The following C2CD4B variants were observed in gnomAD, a reference collection of about 807,000 sequenced individuals.
The protein encoded by C2CD4B is C2 calcium dependent domain containing 4B, also known as C2 calcium-dependent domain-containing protein 4B.
For missense variants in C2CD4B, 644 were observed against 577.7 expected, an observed-to-expected ratio of 1.11 and a Z score of -1.18; for synonymous variants, 347 against 284.9, an observed-to-expected ratio of 1.22 and a Z score of -2.20.
chr15:62,163,719 C>G lies in C2CD4B; in HGVS notation c.*171G>C, dbSNP rs914607097. ...GGGTCCTGTGAACAGAACAGGGAGT[C>G]ATTATCTTTTTCTTCTTTACCAATA... On this transcript the variant is annotated 3_prime_UTR_variant, in exon 2 of 2. Transcript: ENST00000380392. The G allele has an allele frequency of 2.0e-6, 2 of 987,132 alleles. No homozygotes were observed. Among genetic ancestry groups the G allele is most frequent in the Admixed American group, 7.6e-5 (2 of 26,164 alleles). The allele number at this position is 987,132 out of a possible 1,614,324, so 61.1% of individuals were successfully genotyped here.
chr15:62,164,576 C>T lies in C2CD4B; in HGVS notation c.409G>A (p.Asp137Asn). 1 of 1,195,012 alleles carries T rather than the reference C, an allele frequency of 8.4e-7. No homozygotes were observed. The highest frequency in any genetic ancestry group is 1.0e-6 in the Non-Finnish European group (1 of 967,576). 74.0% of individuals were successfully genotyped at this position (1,195,012 alleles called of 1,614,324 possible). ...CCGCACAGGGTCCCCAGGGGGGCGT[C>T]CGGGCCTCCGCCGCCGCCGCAGCTG... Reference protein sequence around the residue: ...AHSCGGGGGPDAPLGTLCGPR... With the variant: ...AHSCGGGGGPNAPLGTLCGPR... The change falls in exon 2 of 2, where the codon GAC becomes AAC. Residue 137 changes from aspartate to asparagine, a missense_variant. By Grantham distance (23) the Asp-to-Asn change is conservative (BLOSUM62 1). Coordinates refer to ENST00000380392, the MANE Select transcript of C2CD4B (RefSeq NM_001007595.3).
Position 62,164,316 on chromosome 15 carries a change from G to A in C2CD4B, c.669C>T (p.Ser223=). ...AGSESPARAP[S]SSPLSSRAPL... is the part of the protein sequence containing the mutation. ...GGGCCCTGGATGACAGCGGGCTCGA[G>A]GAGGGGGCCCGGGCCGGGGACTCGG... Residue 223 remains serine (S), a synonymous_variant, in exon 2 of 2, where the codon TCC becomes TCT. Transcript: ENST00000380392. 2.1e-6 allele frequency: 3 copies of A among 1,406,940 alleles called. No homozygotes were observed. Among genetic ancestry groups the A allele is most frequent in the Admixed American group, 3.3e-5 (1 of 30,328 alleles). 87.2% of individuals were successfully genotyped at this position (1,406,940 alleles called of 1,614,324 possible). A position where few individuals can be genotyped will look rare whatever the true frequency, so the allele number is the denominator to read the frequency against.
In C2CD4B at chr15:62,164,146, G is replaced by C. The variant is rs765357768; in HGVS notation, c.839C>G (p.Pro280Arg). ...LRAESLFGGA[P>R]GPRAVRCRLS... is the part of the protein sequence containing the mutation. ...GCGGCAGCGGACGGCGCGGGGCCCG[G>C]GGGCGCCTCCGAACAGGCTCTCCGC... is the stretch of plus-strand genomic sequence containing the variant. Residue 280 changes from proline (P) to arginine (R), a missense_variant, in exon 2 of 2, where the codon CCC (proline) becomes CGC (arginine). Transcript: ENST00000380392. 2 of 1,457,318 alleles carry C rather than the reference G, an allele frequency of 1.4e-6. No individual in the cohort carries two copies. Among genetic ancestry groups the C allele is most frequent in the Admixed American group, 2.7e-5 (1 of 37,184 alleles). The allele number at this position is 1,457,318 out of a possible 1,614,324, so 90.3% of individuals were successfully genotyped here.
Position 62,164,510 on chromosome 15 carries a change from C to A in C2CD4B, c.475G>T (p.Gly159Cys). ...AGCGCGTCCTGGGGCAGGCGGGGAC[C>A]GCCGGGGGCCGCGGGGGTGGCCGGG... ...PGPATPAAPG[G>C]PRLPQDALAA... Residue 159 changes from glycine (G) to cysteine (C), a missense_variant, in exon 2 of 2, where the codon GGT becomes TGT. By Grantham distance (159) the Gly-to-Cys change is radical (BLOSUM62 -3). Transcript: ENST00000380392. 1.7e-6 allele frequency: 2 copies of A among 1,181,484 alleles called. No homozygotes were observed. Among genetic ancestry groups the A allele is most frequent in the East Asian group, 3.8e-5 (1 of 26,616 alleles). 73.2% of individuals were successfully genotyped at this position (1,181,484 alleles called of 1,614,324 possible). A position where few individuals can be genotyped will look rare whatever the true frequency, so the allele number is the denominator to read the frequency against.
In C2CD4B at chr15:62,164,618, G is replaced by A. The variant is rs753854527; in HGVS notation, c.367C>T (p.Pro123Ser). 7.0e-6 allele frequency: 9 copies of A among 1,280,466 alleles called. No individual in the cohort carries two copies. The South Asian group carries it at 1.9e-4, about 26-fold the overall frequency. 79.3% of individuals were successfully genotyped at this position (1,280,466 alleles called of 1,614,324 possible). A position where few individuals can be genotyped will look rare whatever the true frequency, so the allele number is the denominator to read the frequency against. Reference protein sequence around the residue: ...ESLLLGGPPAPRPRAHSCGGG... With the variant: ...ESLLLGGPPASRPRAHSCGGG... ...CCGCAGCTGTGGGCCCGGGGCCGGG[G>A]CGCGGGCGGGCCCCCGAGCAGGAGC... The change falls in exon 2 of 2, where the codon CCC becomes TCC. Residue 123 changes from proline (P) to serine (S), a missense_variant. By Grantham distance (74) the Pro-to-Ser change is moderately conservative. Coordinates refer to ENST00000380392, the MANE Select transcript of C2CD4B (RefSeq NM_001007595.3).
rs1258776561 is a variant in C2CD4B, at chr15:62,165,021, G to A, written c.-37C>T. On this transcript the variant is annotated 5_prime_UTR_variant, in exon 2 of 2. Transcript: ENST00000380392. ...GGGGCTAGGAGTGGCGGGAAGAGGTGCGCCTGCGGGGGAGAGAAGCTGCTG... is the reference window on the plus strand; with the variant it reads ...GGGGCTAGGAGTGGCGGGAAGAGGTACGCCTGCGGGGGAGAGAAGCTGCTG... 4.1e-6 allele frequency: 6 copies of A among 1,472,262 alleles called. No individual in the cohort carries two copies. In the South Asian group the frequency reaches 6.6e-5, roughly 16 times the overall value. 91.2% of individuals were successfully genotyped at this position (1,472,262 alleles called of 1,614,324 possible).
Position 62,164,121 on chromosome 15 carries a change from G to A in C2CD4B, c.864C>T (p.Arg288=). Residue 288 remains arginine (R), a synonymous_variant, in exon 2 of 2, where the codon CGC becomes CGT. Coordinates refer to ENST00000380392, the MANE Select transcript of C2CD4B (RefSeq NM_001007595.3). ...GAPGPRAVRC[R]LSLVLRPPGT... ...CCGGCGGCCGCAGGACGAGGCTGAG[G>A]CGGCAGCGGACGGCGCGGGGCCCGG... 6.8e-7 allele frequency: 1 copy of A among 1,481,076 alleles called. No individual in the cohort carries two copies. The highest frequency in any genetic ancestry group is 1.3e-5 in the South Asian group (1 of 76,204). 91.7% of individuals were successfully genotyped at this position (1,481,076 alleles called of 1,614,324 possible).
In C2CD4B at chr15:62,164,875, G is replaced by A. The variant is rs1173331615; in HGVS notation, c.110C>T (p.Pro37Leu). The change falls in exon 2 of 2, where the codon CCG becomes CTG. Residue 37 changes from proline (P) to leucine (L), a missense_variant. Pro to Leu is a moderately conservative substitution (Grantham distance 98). Coordinates refer to ENST00000380392, the MANE Select transcript of C2CD4B (RefSeq NM_001007595.3). The part of the protein sequence containing the change: ...PNRIPEFCIP[P>L]RLPAPCTLES... ...GAGCGTGCAAGGGGCCGGCAGCCGC[G>A]GCGGGATGCAGAATTCGGGGATGCG... The A allele has an allele frequency of 4.0e-6, 6 of 1,513,660 alleles. No individual in the cohort carries two copies. Among genetic ancestry groups the A allele is most frequent in the South Asian group, 1.2e-5 (1 of 81,252 alleles). The allele number at this position is 1,513,660 out of a possible 1,614,324, so 93.8% of individuals were successfully genotyped here.
chr15:62,163,939 C>G lies in C2CD4B; in HGVS notation c.1046G>C (p.Arg349Pro). 1 of 1,566,230 alleles carries G rather than the reference C, an allele frequency of 6.4e-7. No homozygotes were observed. Among genetic ancestry groups the G allele is most frequent in the Middle Eastern group, 1.7e-4 (1 of 5,796 alleles). ...GGACAGCTCACCCTGGCCCAGCAGGCGGCCCCGATCCCGGCCGCGACCCTC... is the reference window on the plus strand; with the variant it reads ...GGACAGCTCACCCTGGCCCAGCAGGGGGCCCCGATCCCGGCCGCGACCCTC... ...RDEGRGRDRG[R>P]LLGQGELSLG... Residue 349 changes from arginine to proline, a missense_variant, in exon 2 of 2, where the codon CGC becomes CCC. Transcript: ENST00000380392.
Position 62,164,923 on chromosome 15 carries a change from A to T in C2CD4B, c.62T>A (p.Phe21Tyr), listed in dbSNP as rs891438048. The T allele has an allele frequency of 6.5e-7, 1 of 1,537,850 alleles. No individual in the cohort carries two copies. The highest frequency in any genetic ancestry group is 1.4e-5 in the African/African-American group (1 of 71,512). ...AAGSSAPKPA[F>Y]AKVLTPNRIP... ...GCGATTCGGCGTGAGCACTTTGGCG[A>T]AGGCGGGCTTCGGCGCGGAGCTGCC... is the stretch of plus-strand genomic sequence containing the variant. Residue 21 changes from phenylalanine to tyrosine, a missense_variant, in exon 2 of 2, where the codon TTC (phenylalanine) becomes TAC (tyrosine). Physicochemically the swap from Phe to Tyr is conservative, Grantham distance 22. Coordinates refer to ENST00000380392, the MANE Select transcript of C2CD4B (RefSeq NM_001007595.3).
At position 62,164,781 on chromosome 15, in the gene C2CD4B, C is replaced by G. The variant is rs1314161857; in HGVS notation, c.204G>C (p.Ala68=). Residue 68 remains alanine (A), a synonymous_variant, in exon 2 of 2, where the codon GCG becomes GCC. Transcript: ENST00000380392. ...CAAESDLWPR[A]ADEDAGRTDW... ...CCGTGCGGCCGGCGTCCTCGTCTGCCGCGCGGGGCCACAGGTCGCTTTCAG... is the reference window on the plus strand; with the variant it reads ...CCGTGCGGCCGGCGTCCTCGTCTGCGGCGCGGGGCCACAGGTCGCTTTCAG... The G allele has an allele frequency of 1.4e-6, 2 of 1,478,790 alleles. No homozygotes were observed. Among genetic ancestry groups the G allele is most frequent in the Non-Finnish European group, 1.8e-6 (2 of 1,125,436 alleles). The allele number at this position is 1,478,790 out of a possible 1,614,324, so 91.6% of individuals were successfully genotyped here.
rs1457595590 is a variant in C2CD4B at position 62,164,928 on chromosome 15, G to A, written c.57C>T (p.Pro19=). The A allele has an allele frequency of 6.5e-7, 1 of 1,536,550 alleles. No homozygotes were observed. The highest frequency in any genetic ancestry group is 1.2e-5 in the South Asian group (1 of 83,864). The change falls in exon 2 of 2, where the codon CCC becomes CCT. Residue 19 remains proline, a synonymous_variant. Transcript: ENST00000380392. ...TCGGCGTGAGCACTTTGGCGAAGGC[G>A]GGCTTCGGCGCGGAGCTGCCTGCGG... is the stretch of plus-strand genomic sequence containing the variant. ...SSAAGSSAPK[P]AFAKVLTPNR...
In C2CD4B at chr15:62,163,703, G is replaced by A. The variant is rs546205648; in HGVS notation, c.*187C>T. 7.1e-6 allele frequency: 6 copies of A among 841,874 alleles called. No homozygotes were observed. In the East Asian group the frequency reaches 2.0e-4, roughly 28 times the overall value. The allele number at this position is 841,874 out of a possible 1,614,324, so 52.2% of individuals were successfully genotyped here. ...CTGGAAAGAGATATGGGGGTCCTGT[G>A]AACAGAACAGGGAGTCATTATCTTT... is the stretch of plus-strand genomic sequence containing the variant. On this transcript the variant is annotated 3_prime_UTR_variant, in exon 2 of 2. Transcript: ENST00000380392.
rs2049576967 is a variant in C2CD4B at position 62,163,861 on chromosome 15, G to C, written c.*29C>G. ...GGCTGTCAGTGTCCGGAGTCTCCAG[G>C]GCAGAGCGCCCCGGGGAGGGCTGGG... On this transcript the variant is annotated 3_prime_UTR_variant, in exon 2 of 2. Transcript: ENST00000380392. 1 of 1,458,678 alleles carries C rather than the reference G, an allele frequency of 6.9e-7. No individual in the cohort carries two copies. The highest frequency in any genetic ancestry group is 2.5e-5 in the Admixed American group (1 of 39,752). The allele number at this position is 1,458,678 out of a possible 1,614,324, so 90.4% of individuals were successfully genotyped here. A position where few individuals can be genotyped will look rare whatever the true frequency, so the allele number is the denominator to read the frequency against.
In C2CD4B at chr15:62,164,206, G is replaced by A. The variant is rs1289990048; in HGVS notation, c.779C>T (p.Pro260Leu). ...CCGGAGGCGGAGACGCCGGGTTCCCGGACAGTACTCAGCAGCCAGGCGCAG... is the reference window on the plus strand; with the variant it reads ...CCGGAGGCGGAGACGCCGGGTTCCCAGACAGTACTCAGCAGCCAGGCGCAG... The part of the protein sequence containing the change: ...DALRLAAEYC[P>L]GTRRLRLRLL... Residue 260 changes from proline (P) to leucine (L), a missense_variant, in exon 2 of 2, where the codon CCG (proline) becomes CTG (leucine). Coordinates refer to ENST00000380392, the MANE Select transcript of C2CD4B (RefSeq NM_001007595.3). 5 of 1,481,152 alleles carry A rather than the reference G, an allele frequency of 3.4e-6. No individual in the cohort carries two copies. The highest frequency in any genetic ancestry group is 1.5e-5 in the African/African-American group (1 of 68,224). The allele number at this position is 1,481,152 out of a possible 1,614,324, so 91.8% of individuals were successfully genotyped here.
Position 62,164,026 on chromosome 15 carries a change from C to A in C2CD4B, c.959G>T (p.Cys320Phe). The change falls in exon 2 of 2, where the codon TGC becomes TTC. Residue 320 changes from cysteine to phenylalanine, a missense_variant. Physicochemically the swap from Cys to Phe is radical, Grantham distance 205 (BLOSUM62 -2). Transcript: ENST00000380392. ...SRKASFDQDF[C>F]FDGLSEDEVR... ...CTCGTCTTCCGAGAGGCCGTCGAAGCAAAAGTCCTGGTCAAAGGAGGCCTT... is the reference window on the plus strand; with the variant it reads ...CTCGTCTTCCGAGAGGCCGTCGAAGAAAAAGTCCTGGTCAAAGGAGGCCTT... 1.2e-6 allele frequency: 2 copies of A among 1,601,270 alleles called. No individual in the cohort carries two copies. Among genetic ancestry groups the A allele is most frequent in the South Asian group, 2.2e-5 (2 of 89,160 alleles).
At position 62,164,270 on chromosome 15, in the gene C2CD4B, C is replaced by T. The variant is rs1324166818; in HGVS notation, c.715G>A (p.Ala239Thr). 2.1e-6 allele frequency: 3 copies of T among 1,429,608 alleles called. No homozygotes were observed. The highest frequency in any genetic ancestry group is 2.7e-6 in the Non-Finnish European group (3 of 1,100,900). The allele number at this position is 1,429,608 out of a possible 1,614,324, so 88.6% of individuals were successfully genotyped here. A position where few individuals can be genotyped will look rare whatever the true frequency, so the allele number is the denominator to read the frequency against. The change falls in exon 2 of 2, where the codon GCC (alanine) becomes ACC (threonine). Residue 239 changes from alanine to threonine, a missense_variant. By Grantham distance (58) the Ala-to-Thr change is moderately conservative. Coordinates refer to ENST00000380392, the MANE Select transcript of C2CD4B (RefSeq NM_001007595.3). ...SRAPLPERLEAKGTVALGRAG... is the reference protein window; with the variant it reads ...SRAPLPERLETKGTVALGRAG... ...CGGCCCAGAGCCACGGTGCCCTTGG[C>T]CTCCAGGCGCTCAGGAAGCGGGGCC...
rs945463605 is a variant in C2CD4B at position 62,163,612 on chromosome 15, A to G, written c.*278T>C. On this transcript the variant is annotated 3_prime_UTR_variant, in exon 2 of 2. Transcript: ENST00000380392. The stretch of plus-strand genomic sequence containing the variant: ...CCGGAAGGAATTAAAAACAATGCAG[A>G]TGGGTGTACTTCCTTTCTCTCCCAG... The G allele has an allele frequency of 7.8e-6, 3 of 382,622 alleles. No individual in the cohort carries two copies. The highest frequency in any genetic ancestry group is 1.4e-5 in the Non-Finnish European group (3 of 218,498). The allele number at this position is 382,622 out of a possible 1,614,324, so 23.7% of individuals were successfully genotyped here.
rs1240821764 is a variant in C2CD4B, at chr15:62,164,006, C to T, written c.979G>A (p.Asp327Asn). The T allele has an allele frequency of 6.2e-7, 1 of 1,601,920 alleles. No individual in the cohort carries two copies. Among genetic ancestry groups the T allele is most frequent in the Admixed American group, 1.7e-5 (1 of 59,250 alleles). The part of the protein sequence containing the change: ...QDFCFDGLSE[D>N]EVRRLAVRVK... Reference sequence around the variant, plus strand: ...CGAACGGCCAGGCGGCGCACCTCGTCTTCCGAGAGGCCGTCGAAGCAAAAG... The same window carrying T: ...CGAACGGCCAGGCGGCGCACCTCGTTTTCCGAGAGGCCGTCGAAGCAAAAG... The change falls in exon 2 of 2, where the codon GAC becomes AAC. Residue 327 changes from aspartate to asparagine, a missense_variant. By Grantham distance (23) the Asp-to-Asn change is conservative. Transcript: ENST00000380392.
Sources: allele counts gnomAD v4.1 joint callset, GRCh38; gene constraint gnomAD v4.1.1; transcripts MANE v1.5; gene names NCBI Gene and HGNC (gene_info 2026-07-23, HGNC 2026-07-21).